DACH1: variants seen among roughly 807,000 people sequenced by gnomAD.
The protein encoded by DACH1 is dachshund homolog 1.
Under a neutral mutation model 54.2 loss-of-function variants are expected in DACH1, and 12 were observed. The ratio of observed to expected loss-of-function variants is 0.22; its 90% CI spans 0.14 to 0.36. The LOEUF (loss-of-function observed/expected upper bound fraction) is 0.36. DACH1 is among the 10% of genes least tolerant of loss of function. The pLI is 1.00. For missense variants in DACH1, 805 were observed against 929.8 expected, an observed-to-expected ratio of 0.87 and a Z score of 1.75; for synonymous variants, 386 against 366.2, an observed-to-expected ratio of 1.05 and a Z score of -0.62.
chr13:71,461,089 C>T (rs1472375772), intron 10 of DACH1, among the ~76,000 whole-genome samples: 2 of 152,016 alleles, frequency 1.3e-5, no homozygotes, highest in African/African-American at 4.8e-5. Context: ...TAAATTAAGG[C>T]ATCTTCTGCA....
chr13:71,605,289 C>G (rs563377241), intron 3 of DACH1, among the ~76,000 whole-genome samples: 115 of 151,678 alleles, frequency 7.6e-4, no homozygotes, highest in Non-Finnish European at 1.2e-3. Context: ...TTCTTCATAT[C>G]GGGAATATAT....
chr13:71,804,331 A>G (rs1453819114), intron 1 of DACH1, among the ~76,000 whole-genome samples: 1 of 152,094 alleles, frequency 6.6e-6, no homozygotes, highest in Non-Finnish European at 1.5e-5. Context: ...AATACATAAT[A>G]CATGCTACTA....
intron 1 of DACH1, among the ~76,000 whole-genome samples, chr13:71,787,258 T>C (rs1293825443): frequency 1.3e-5 from 2 of 152,182 alleles, no homozygotes; most frequent in Admixed American, 6.5e-5. Context: ...AAGGAAGAGA[T>C]GACATTTTTT....
chr13:71,613,462 C>T (rs1875493335), intron 3 of DACH1, among the ~76,000 whole-genome samples: 1 of 152,088 alleles, frequency 6.6e-6, no homozygotes, highest in Non-Finnish European at 1.5e-5. Context: ...ATTTATGCCT[C>T]ATAATCATCA....
Position 71,821,884 on chromosome 13 carries a change from A to C in DACH1, c.848+44038T>G, listed in dbSNP as rs749827204. ...GAGACCATCCTGGACAACATGGTGA[A>C]ACCCTGTCTCTACTAAAAATACAAA... is the stretch of plus-strand genomic sequence containing the variant. On this transcript the variant is annotated intron_variant, in intron 1 of 10. Coordinates refer to ENST00000613252, the MANE Select transcript of DACH1 (RefSeq NM_080759.6). Among the ~76,000 whole-genome samples the C allele has an allele frequency of 1.2e-3, 179 of 152,236 alleles. 7 individuals carry two copies. The highest frequency in any genetic ancestry group is 3.4e-3 in the Middle Eastern group (1 of 294).
chr13:71,570,539 C>G (rs973495783), intron 4 of DACH1, among the ~76,000 whole-genome samples: 1 of 152,134 alleles, frequency 6.6e-6, no homozygotes, highest in Admixed American at 6.5e-5. Context: ...CCATTTACAT[C>G]AACACTTTCA....
At chr13:71,555,636 C>T (rs1201881878) in intron 6 of DACH1, among the ~76,000 whole-genome samples, 3 of 151,978 alleles carry the variant, frequency 2.0e-5, no homozygotes, top group Non-Finnish European at 4.4e-5. Flanking sequence ...CCAGTACACC[C>T]AGCCCCACTA....
chr13:71,827,511 G>T (rs1464859756), intron 1 of DACH1, among the ~76,000 whole-genome samples: 2 of 152,082 alleles, frequency 1.3e-5, no homozygotes, highest in Admixed American at 6.6e-5. Context: ...ACCAGCAAAT[G>T]ATTCCATAAT....
chr13:71,675,185 G>T, intron 2 of DACH1: 2 of 1,585,536 alleles, frequency 1.3e-6, no homozygotes, highest in Non-Finnish European at 8.7e-7. Flanking sequence ...AAACCTCATC[G>T]TAACAGGCCT....
At chr13:71,462,908 AC>A (rs2138143294) in intron 10 of DACH1, among the ~76,000 whole-genome samples, 1 of 68,968 alleles carries the variant, frequency 1.4e-5, no homozygotes, top group African/African-American at 3.8e-5. Flanking sequence ...ACACACACAC[AC>A]ACACACATAA....
chr13:71,746,105 C>CTACTT (rs903849858), intron 1 of DACH1, among the ~76,000 whole-genome samples: 223 of 152,186 alleles, frequency 1.5e-3, no homozygotes, highest in African/African-American at 5.2e-3. Flanking sequence ...GTAACCCCAG[C>CTACTT]TACTTGGGAG....
At chr13:71,446,193 A>G (rs1337576646) in intron 10 of DACH1, among the ~76,000 whole-genome samples, 1 of 152,188 alleles carries the variant, frequency 6.6e-6, no homozygotes, top group African/African-American at 2.4e-5. Context: ...TACTCGTTGT[A>G]CATCATACTT....
intron 1 of DACH1, among the ~76,000 whole-genome samples, chr13:71,796,381 ACTTTT>A (rs1400038178): frequency 6.6e-6 from 1 of 152,232 alleles, no homozygotes; most frequent in East Asian, 1.9e-4. Flanking sequence ...TAAAAATCTT[ACTTTT>A]CTTCTTTTCA....
rs149358498 is a variant in DACH1 at position 71,450,991 on chromosome 13, T to C, written c.2084-10299A>G. On this transcript the variant is annotated intron_variant, in intron 10 of 10. Transcript: ENST00000613252. ...AACTCAAATCTGTTCAAGAACTGAA[T>C]GTTCTTAAAACTGTATTACCATAAC... Among the ~76,000 whole-genome samples the C allele has an allele frequency of 1.2e-3, 187 of 152,262 alleles. 1 individual carries two copies. The highest frequency in any genetic ancestry group is 4.3e-3 in the African/African-American group (179 of 41,564).
chr13:71,825,254 ATTAT>A (rs1434429870), intron 1 of DACH1, among the ~76,000 whole-genome samples: 1 of 152,094 alleles, frequency 6.6e-6, no homozygotes, highest in African/African-American at 2.4e-5. Flanking sequence ...ATAATTTTGC[ATTAT>A]TTAACTCACT....
intron 1 of DACH1, among the ~76,000 whole-genome samples, chr13:71,745,177 T>A (rs896363082): frequency 6.6e-6 from 1 of 152,216 alleles, no homozygotes; most frequent in African/African-American, 2.4e-5. Flanking sequence ...CTCTGTCTAC[T>A]ATTTCTTTCC....
At chr13:71,588,580 T>A (rs1386589424) in intron 3 of DACH1, among the ~76,000 whole-genome samples, 1 of 152,044 alleles carries the variant, frequency 6.6e-6, no homozygotes, top group East Asian at 1.9e-4. Context: ...CAATTTCAAA[T>A]GCAATATAAA....
At chr13:71,648,117 G>A (rs1220534511) in intron 2 of DACH1, among the ~76,000 whole-genome samples, 1 of 152,164 alleles carries the variant, frequency 6.6e-6, no homozygotes, top group Non-Finnish European at 1.5e-5. Flanking sequence ...TAAACAATAA[G>A]ATGATATGTC....
intron 2 of DACH1, among the ~76,000 whole-genome samples, chr13:71,636,660 C>T (rs553475543): frequency 2.0e-5 from 3 of 151,272 alleles, no homozygotes; most frequent in South Asian, 4.2e-4. Context: ...GATAATAAGT[C>T]ATATATTGTG....
Sources: allele counts gnomAD v4.1 joint callset (sites outside exome capture counted in the v4.1 genomes callset), GRCh38; gene constraint gnomAD v4.1.1; transcripts MANE v1.5; gene names NCBI Gene and HGNC (gene_info 2026-07-23, HGNC 2026-07-21).